Variants in TBCA observed in about 807,000 individuals in gnomAD.
TBCA encodes tubulin-specific chaperone A.
In TBCA, 6 loss-of-function variants were observed where a neutral mutation model predicts 15.8. The observed-to-expected ratio is 0.38, with a 90% confidence interval of 0.21 to 0.75. The LOEUF (loss-of-function observed/expected upper bound fraction) is 0.75. Ranked by LOEUF, TBCA falls within the 30% of genes least tolerant of loss-of-function variation. TBCA has a pLI of 0.46. For synonymous variants in TBCA, 32 were observed against 42.3 expected (o/e 0.76, Z 0.94); for missense variants, 90 against 131.2 (o/e 0.69, Z 1.53).
In TBCA at chr5:77,692,312, G is replaced by T. The variant is rs187443396; in HGVS notation, c.247-814C>A. 4 of 985,356 alleles carry T rather than the reference G, an allele frequency of 4.1e-6. No homozygotes were observed. In the African/African-American group the frequency reaches 7.0e-5, roughly 17 times the overall value. The allele number at this position is 985,356 out of a possible 1,614,324, so 61.0% of individuals were successfully genotyped here. ...TTTGCTTAGCTCAAACTATACGTAA[G>T]AATTTCTTAAACCTCCATGTTATAC... On this transcript the variant is annotated intron_variant, in intron 3 of 3. Coordinates refer to ENST00000380377, the MANE Select transcript of TBCA (RefSeq NM_004607.3).
chr5:77,709,553 A>T (rs1221950964), intron 1 of TBCA, among the ~76,000 whole-genome samples: 1 of 152,238 alleles, frequency 6.6e-6, no homozygotes, highest in African/African-American at 2.4e-5. Context: ...GCAAGGATGC[A>T]GAGAAATTGG....
At chr5:77,720,089 A>G (rs1746494816) in intron 1 of TBCA, among the ~76,000 whole-genome samples, 1 of 152,154 alleles carries the variant, frequency 6.6e-6, no homozygotes, top group Non-Finnish European at 1.5e-5. Context: ...GCAGGCTGAA[A>G]ACTGAGATCA....
chr5:77,751,008 T>G (rs935084087), intron 1 of TBCA, among the ~76,000 whole-genome samples: 1 of 152,096 alleles, frequency 6.6e-6, no homozygotes, highest in Admixed American at 6.5e-5. Context: ...GGTTTTGTCA[T>G]GCAGATGAAG....
At chr5:77,717,065 G>C (rs1427712594) in intron 1 of TBCA, among the ~76,000 whole-genome samples, 1 of 152,192 alleles carries the variant, frequency 6.6e-6, no homozygotes, top group East Asian at 1.9e-4. Context: ...ACTTGTGTCA[G>C]ACACCTTGGG....
intron 1 of TBCA, among the ~76,000 whole-genome samples, chr5:77,713,222 G>C (rs1746323209): frequency 6.6e-6 from 1 of 152,086 alleles, no homozygotes; most frequent in African/African-American, 2.4e-5. Context: ...CTGGAGCCTA[G>C]GGAGTCAAGG....
At position 77,770,873 on chromosome 5, in the gene TBCA, C is replaced by T. The variant is rs144017071; in HGVS notation, c.53+5332G>A. ...ACCTAGGGCCAGGCATAGTGGCTCACGCCTATAATTCCAGCACTTTGGGAG... is the reference window on the plus strand; with the variant it reads ...ACCTAGGGCCAGGCATAGTGGCTCATGCCTATAATTCCAGCACTTTGGGAG... On this transcript the variant is annotated intron_variant, in intron 1 of 3. Coordinates refer to ENST00000380377, the MANE Select transcript of TBCA (RefSeq NM_004607.3). 2.4e-3 allele frequency among the ~76,000 whole-genome samples: 370 copies of T among 152,284 alleles called. 2 individuals are homozygous for T. Among genetic ancestry groups the T allele is most frequent in the African/African-American group, 8.7e-3 (360 of 41,552 alleles).
At chr5:77,726,251 T>C (rs1746628808) in intron 1 of TBCA, among the ~76,000 whole-genome samples, 1 of 152,218 alleles carries the variant, frequency 6.6e-6, no homozygotes, top group Admixed American at 6.5e-5. Context: ...TCATTTTACT[T>C]TACACTGTGA....
chr5:77,747,168 A>G (rs967055709), intron 1 of TBCA, among the ~76,000 whole-genome samples: 1 of 152,090 alleles, frequency 6.6e-6, no homozygotes, highest in African/African-American at 2.4e-5. Flanking sequence ...TAAAAATTAA[A>G]TTTATTTCAG....
chr5:77,725,138 C>T (rs1746605732), intron 1 of TBCA, among the ~76,000 whole-genome samples: 1 of 152,198 alleles, frequency 6.6e-6, no homozygotes, highest in Admixed American at 6.5e-5. Context: ...TGTGACAGCT[C>T]TAAACTACAG....
chr5:77,766,093 C>T (rs912591493), intron 1 of TBCA, among the ~76,000 whole-genome samples: 4 of 151,958 alleles, frequency 2.6e-5, no homozygotes, highest in Non-Finnish European at 5.9e-5. Flanking sequence ...CATGAGATTT[C>T]GACATACCTA....
At chr5:77,768,737 G>GA (rs1747840348) in intron 1 of TBCA, among the ~76,000 whole-genome samples, 1 of 151,946 alleles carries the variant, frequency 6.6e-6, no homozygotes, top group Non-Finnish European at 1.5e-5. Flanking sequence ...AAGTTATTAA[G>GA]AAAAAAATCA....
chr5:77,759,531 T>C (rs1747557822), intron 1 of TBCA, among the ~76,000 whole-genome samples: 1 of 152,188 alleles, frequency 6.6e-6, no homozygotes, highest in South Asian at 2.1e-4. Context: ...GGGGGGCCTT[T>C]GAATTTTATT....
chr5:77,699,430 A>C (rs1165578094), intron 2 of TBCA, among the ~76,000 whole-genome samples: 1 of 152,212 alleles, frequency 6.6e-6, no homozygotes, highest in Non-Finnish European at 1.5e-5. Flanking sequence ...AAGTAAACCC[A>C]CACAAATATG....
At chr5:77,728,860 T>C (rs947611892) in intron 1 of TBCA, among the ~76,000 whole-genome samples, 6 of 152,016 alleles carry the variant, frequency 3.9e-5, no homozygotes, top group African/African-American at 1.5e-4. Flanking sequence ...AGCCTTCCCT[T>C]CCTTGGTCAG....
intron 1 of TBCA, among the ~76,000 whole-genome samples, chr5:77,726,075 G>C (rs535125116): frequency 5.9e-5 from 9 of 152,140 alleles, no homozygotes; most frequent in Non-Finnish European, 1.0e-4. Context: ...CTGTATTTTT[G>C]AGCCATGTAG....
chr5:77,771,660 C>T (rs936122706), intron 1 of TBCA, among the ~76,000 whole-genome samples: 2 of 152,170 alleles, frequency 1.3e-5, no homozygotes, highest in African/African-American at 2.4e-5. Flanking sequence ...CCGTCTTGCA[C>T]GCATGGCTGG....
At chr5:77,753,309 T>C (rs936674848) in intron 1 of TBCA, among the ~76,000 whole-genome samples, 1 of 152,220 alleles carries the variant, frequency 6.6e-6, no homozygotes, top group Non-Finnish European at 1.5e-5. Flanking sequence ...AGCCCTTACT[T>C]TTCTTTAAGT....
intron 1 of TBCA, among the ~76,000 whole-genome samples, chr5:77,728,377 T>C (rs1473296034): frequency 6.6e-6 from 1 of 152,214 alleles, no homozygotes; most frequent in Non-Finnish European, 1.5e-5. Flanking sequence ...TCTTTAGGTA[T>C]GATTCTATAA....
chr5:77,714,401 A>T (rs1192653502), intron 1 of TBCA, among the ~76,000 whole-genome samples: 1 of 152,134 alleles, frequency 6.6e-6, no homozygotes, highest in Non-Finnish European at 1.5e-5. Flanking sequence ...CTGTAAAAGG[A>T]AGAATCAGAT....
Sources: gnomAD v4.1 joint callset for allele counts (sites outside exome capture counted in the v4.1 genomes callset) on GRCh38, gnomAD v4.1.1 for gene constraint, MANE v1.5 for transcripts, NCBI Gene and HGNC (gene_info 2026-07-23, HGNC 2026-07-21) for gene names.